Variants in TMEM108 observed in about 807,000 individuals in gnomAD.
TMEM108 encodes cancer/testis antigen 124.
Under a neutral mutation model 35.1 loss-of-function variants are expected in TMEM108, and 12 were observed. That is an observed-to-expected ratio of 0.34 (90% confidence interval 0.22 to 0.55). The LOEUF (loss-of-function observed/expected upper bound fraction) is 0.55, where lower values mean the gene tolerates loss of function less well. Among genes scored for constraint, TMEM108 ranks in the 20% least tolerant of loss-of-function variants. TMEM108 has a pLI of 0.89. For missense variants in TMEM108, 680 were observed against 753.3 expected, an observed-to-expected ratio of 0.90 and a Z score of 1.14; for synonymous variants, 287 against 308.6, an observed-to-expected ratio of 0.93 and a Z score of 0.73.
At chr3:133,040,846 T>G (rs1943267070) in intron 1 of TMEM108, among the ~76,000 whole-genome samples, 1 of 152,222 alleles carries the variant, frequency 6.6e-6, no homozygotes, top group East Asian at 1.9e-4. Flanking sequence ...ATTTCCTTTC[T>G]GTCGTTTCTG....
At chr3:133,078,280 G>C (rs761431687) in intron 2 of TMEM108, among the ~76,000 whole-genome samples, 6 of 152,086 alleles carry the variant, frequency 3.9e-5, no homozygotes, top group Non-Finnish European at 2.9e-5. Flanking sequence ...ATTCTTCTCA[G>C]TCCTTTCGGA....
At chr3:133,116,285 A>G (rs1470946540) in intron 2 of TMEM108, among the ~76,000 whole-genome samples, 3 of 152,240 alleles carry the variant, frequency 2.0e-5, no homozygotes, top group East Asian at 3.9e-4. Flanking sequence ...TTGCCCTTCA[A>G]TTTTAGCAGA....
intron 3 of TMEM108, among the ~76,000 whole-genome samples, chr3:133,276,845 G>A (rs541231873): frequency 6.6e-5 from 10 of 152,288 alleles, no homozygotes; most frequent in African/African-American, 1.2e-4. Context: ...TGTAAACAGC[G>A]TCATTCCCAG....
At chr3:133,117,412 C>T (rs1205942056) in intron 2 of TMEM108, among the ~76,000 whole-genome samples, 1 of 152,154 alleles carries the variant, frequency 6.6e-6, no homozygotes, top group Non-Finnish European at 1.5e-5. Flanking sequence ...GAGTACATTC[C>T]TTTCTGCCAG....
chr3:133,386,549 G>T, intron 4 of TMEM108: 11 of 1,515,330 alleles, frequency 7.3e-6, no homozygotes, highest in Non-Finnish European at 9.7e-6. Context: ...TGACTCCCCA[G>T]TGACATTCCT....
intron 3 of TMEM108, chr3:133,247,598 A>AT (rs1559881218): frequency 6.6e-6 from 1 of 151,530 alleles, no homozygotes; most frequent in Admixed American, 6.6e-5. Context: ...CAAAAGGACT[A>AT]TTTTCAATCC....
chr3:133,158,976 C>G (rs893791101), intron 2 of TMEM108, among the ~76,000 whole-genome samples: 3 of 152,204 alleles, frequency 2.0e-5, no homozygotes, highest in Non-Finnish European at 4.4e-5. Flanking sequence ...CCCACTCTTT[C>G]CCATTCAGGG....
At chr3:133,227,231 C>T (rs1445645788) in intron 2 of TMEM108, among the ~76,000 whole-genome samples, 5 of 133,110 alleles carry the variant, frequency 3.8e-5, no homozygotes, top group African/African-American at 5.5e-5. Context: ...GTCTCGCTGT[C>T]GCCCAGGCTG....
intron 2 of TMEM108, among the ~76,000 whole-genome samples, chr3:133,187,875 G>A (rs528389739): frequency 1.1e-4 from 9 of 83,692 alleles, no homozygotes; most frequent in Admixed American, 4.6e-4. Context: ...TCAGAGTAAC[G>A]GTTGCTGCAA....
At chr3:133,046,928 T>C (rs1238348318) in intron 2 of TMEM108, among the ~76,000 whole-genome samples, 1 of 152,202 alleles carries the variant, frequency 6.6e-6, no homozygotes, top group African/African-American at 2.4e-5. Flanking sequence ...TGCTAGATAA[T>C]GTCCCATTAT....
At chr3:133,257,835 A>G (rs1473394086) in intron 3 of TMEM108, among the ~76,000 whole-genome samples, 4 of 152,264 alleles carry the variant, frequency 2.6e-5, no homozygotes, top group Non-Finnish European at 4.4e-5. Context: ...TTTATTTTTC[A>G]TGCAACAACT....
intron 2 of TMEM108, among the ~76,000 whole-genome samples, chr3:133,134,125 A>G (rs922447686): frequency 6.6e-6 from 1 of 151,744 alleles, no homozygotes; most frequent in Non-Finnish European, 1.5e-5. Flanking sequence ...GATTATATAT[A>G]TATGTATAAA....
At chr3:133,084,341 A>G (rs1209223302) in intron 2 of TMEM108, among the ~76,000 whole-genome samples, 1 of 152,208 alleles carries the variant, frequency 6.6e-6, no homozygotes, top group African/African-American at 2.4e-5. Flanking sequence ...TCACTAGAAC[A>G]ATCAGTATTA....
At chr3:133,385,122 C>T (rs2107851467) in intron 4 of TMEM108, among the ~76,000 whole-genome samples, 1 of 152,258 alleles carries the variant, frequency 6.6e-6, no homozygotes, top group African/African-American at 2.4e-5. Flanking sequence ...CACTCACAGG[C>T]CCTGAATGAG....
intron 2 of TMEM108, among the ~76,000 whole-genome samples, chr3:133,153,947 T>A (rs1360561814): frequency 6.6e-6 from 1 of 152,098 alleles, no homozygotes; most frequent in Non-Finnish European, 1.5e-5. Context: ...CAAAACTTTG[T>A]ATTTGTAAAT....
At chr3:133,379,051 A>G (rs574047482) in intron 3 of TMEM108, among the ~76,000 whole-genome samples, 320 of 152,124 alleles carry the variant, frequency 2.1e-3, no homozygotes, top group Non-Finnish European at 3.6e-3. Flanking sequence ...TCACTCTTCT[A>G]TGGCACTGAG....
At chr3:133,232,304 T>C (rs1376559447) in intron 3 of TMEM108, among the ~76,000 whole-genome samples, 2 of 152,124 alleles carry the variant, frequency 1.3e-5, no homozygotes, top group Non-Finnish European at 2.9e-5. Context: ...GCTCTTTTGT[T>C]ACCTTGAGAG....
At chr3:133,050,016 A>C (rs1391446992) in intron 2 of TMEM108, among the ~76,000 whole-genome samples, 2 of 152,198 alleles carry the variant, frequency 1.3e-5, no homozygotes, top group Non-Finnish European at 2.9e-5. Flanking sequence ...AAGAATTTTC[A>C]GTTGATATTA....
At chr3:133,138,686 GT>G (rs1371469001) in intron 2 of TMEM108, among the ~76,000 whole-genome samples, 1 of 151,918 alleles carries the variant, frequency 6.6e-6, no homozygotes, top group African/African-American at 2.4e-5. Flanking sequence ...ACCAATTTTT[GT>G]TTGTTAATTT....
Sources: gnomAD v4.1 joint callset for allele counts (sites outside exome capture counted in the v4.1 genomes callset) on GRCh38, gnomAD v4.1.1 for gene constraint, MANE v1.5 for transcripts, NCBI Gene and HGNC (gene_info 2026-07-23, HGNC 2026-07-21) for gene names.